The following SEMA5A variants were observed in gnomAD, a reference collection of about 807,000 sequenced individuals.
SEMA5A encodes the protein semaphorin 5A, also known as semaphorin-5A.
Under a neutral mutation model 135.5 loss-of-function variants are expected in SEMA5A, and 55 were observed. The observed-to-expected ratio is 0.41, with a 90% CI of 0.33 to 0.51. The LOEUF is 0.51. SEMA5A is among the 20% of genes least tolerant of loss of function. The pLI is 0.37. For synonymous variants in SEMA5A, 580 were observed against 546.5 expected, an observed-to-expected ratio of 1.06 and a Z score of -0.85; for missense variants, 1,290 against 1,419.9, an observed-to-expected ratio of 0.91 and a Z score of 1.47.
At chr5:9,433,391 A>AT (rs1312599816) in intron 2 of SEMA5A, among the ~76,000 whole-genome samples, 1 of 152,198 alleles carries the variant, frequency 6.6e-6, no homozygotes, top group Non-Finnish European at 1.5e-5. Flanking sequence ...AAATAAACTT[A>AT]TTTAAATTTA....
chr5:9,254,975 C>A (rs191626519), intron 5 of SEMA5A, among the ~76,000 whole-genome samples: 120 of 152,248 alleles, frequency 7.9e-4, no homozygotes, highest in African/African-American at 2.8e-3. Flanking sequence ...AGTATAAGTA[C>A]ACATTTAGGG....
At chr5:9,057,904 T>C (rs1736977864) in intron 18 of SEMA5A, among the ~76,000 whole-genome samples, 1 of 152,230 alleles carries the variant, frequency 6.6e-6, no homozygotes, top group Non-Finnish European at 1.5e-5. Context: ...GGATATTGAT[T>C]ATTGTACTAA....
At chr5:9,468,753 G>C (rs12657858) in intron 1 of SEMA5A, among the ~76,000 whole-genome samples, 1 of 152,192 alleles carries the variant, frequency 6.6e-6, no homozygotes, top group South Asian at 2.1e-4. Flanking sequence ...TTGGGGTTTC[G>C]AATTACTAGT....
At chr5:9,145,641 CTTTT>C (rs36054284) in intron 12 of SEMA5A, among the ~76,000 whole-genome samples, 1 of 117,534 alleles carries the variant, frequency 8.5e-6, no homozygotes, top group African/African-American at 3.1e-5. Context: ...AAGAAGAAAA[CTTTT>C]TTTTTTTTTT....
chr5:9,063,110 C>A lies in SEMA5A; in HGVS notation c.2300-5G>T. On this transcript the variant is annotated splice_polypyrimidine_tract_variant and splice_region_variant and intron_variant, in intron 17 of 22. Transcript: ENST00000382496. Reference sequence around the variant, plus strand: ...GCAGGAAATCCCCAGAAAGCCCTGCCAAGGAAACAGGTGAAGTGTGATTCT... The same window carrying A: ...GCAGGAAATCCCCAGAAAGCCCTGCAAAGGAAACAGGTGAAGTGTGATTCT... The A allele has an allele frequency of 6.2e-7, 1 of 1,607,966 alleles. No homozygotes were observed. Among genetic ancestry groups the A allele is most frequent in the South Asian group, 1.1e-5 (1 of 90,180 alleles).
chr5:9,048,572 C>A (rs191173588), intron 21 of SEMA5A, among the ~76,000 whole-genome samples: 8 of 152,190 alleles, frequency 5.3e-5, no homozygotes, highest in Admixed American at 5.2e-4. Flanking sequence ...TAGAACAACC[C>A]CAGGCCCTGT....
At chr5:9,113,605 A>G (rs544122150) in intron 15 of SEMA5A, among the ~76,000 whole-genome samples, 2 of 152,372 alleles carry the variant, frequency 1.3e-5, no homozygotes, top group South Asian at 4.1e-4. Context: ...TAGTTATTGA[A>G]AAAGACAAAA....
chr5:9,351,299 A>C (rs1033688482), intron 3 of SEMA5A, among the ~76,000 whole-genome samples: 3 of 152,166 alleles, frequency 2.0e-5, no homozygotes, highest in African/African-American at 7.2e-5. Context: ...AATAGCATCA[A>C]ATCTCTTAGG....
intron 1 of SEMA5A, among the ~76,000 whole-genome samples, chr5:9,513,876 G>A (rs1291226622): frequency 6.6e-6 from 1 of 152,076 alleles, no homozygotes; most frequent in Non-Finnish European, 1.5e-5. Flanking sequence ...TAGTGGAGTG[G>A]AACGTTAGTT....
intron 11 of SEMA5A, among the ~76,000 whole-genome samples, chr5:9,167,953 T>C (rs3822771): frequency 0.14 from 21,027 of 152,066 alleles, 1,816 homozygotes; most frequent in Admixed American, 0.23. Flanking sequence ...AAGGTGGAAA[T>C]ATGTCTTTCA....
intron 1 of SEMA5A, among the ~76,000 whole-genome samples, chr5:9,533,199 C>T (rs1283097972): frequency 6.6e-6 from 1 of 152,148 alleles, no homozygotes; most frequent in African/African-American, 2.4e-5. Context: ...GGAAATATTC[C>T]ACCACAGGAT....
At chr5:9,068,182 C>CTTCTG (rs1324780573) in intron 16 of SEMA5A, among the ~76,000 whole-genome samples, 1 of 152,094 alleles carries the variant, frequency 6.6e-6, no homozygotes, top group Non-Finnish European at 1.5e-5. Context: ...TAGATTGTTT[C>CTTCTG]TTCTGTGATC....
At chr5:9,049,948 G>A (rs1736476383) in intron 21 of SEMA5A, among the ~76,000 whole-genome samples, 1 of 152,198 alleles carries the variant, frequency 6.6e-6, no homozygotes, top group Non-Finnish European at 1.5e-5. Flanking sequence ...GTTGGAGATT[G>A]GAAGCTAGCT....
intron 12 of SEMA5A, among the ~76,000 whole-genome samples, chr5:9,149,468 A>C (rs1579484297): frequency 6.6e-6 from 1 of 152,032 alleles, no homozygotes; most frequent in African/African-American, 2.4e-5. Flanking sequence ...ACATGGTGAA[A>C]CCCCGTCTCT....
intron 3 of SEMA5A, among the ~76,000 whole-genome samples, chr5:9,342,960 A>G (rs971566503): frequency 5.3e-5 from 8 of 152,186 alleles, no homozygotes; most frequent in Admixed American, 5.2e-4. Context: ...GCACATTTGG[A>G]AAATTACAGG....
chr5:9,457,889 C>T (rs1411065112), intron 1 of SEMA5A, among the ~76,000 whole-genome samples: 2 of 148,096 alleles, frequency 1.4e-5, no homozygotes, highest in African/African-American at 2.5e-5. Context: ...CTTGAAAAAC[C>T]AGCATCTCTC....
In SEMA5A at chr5:9,287,972, T is replaced by C. The variant is rs534237951; in HGVS notation, c.270+30400A>G. On this transcript the variant is annotated intron_variant, in intron 5 of 22. Transcript: ENST00000382496. ...ATTCTGAATATTCTGAATACCAGAA[T>C]AGTAGATTCTGAATATTGCTGTCTT... is the stretch of plus-strand genomic sequence containing the variant. 2.7e-5 allele frequency among the ~76,000 whole-genome samples: 4 copies of C among 150,234 alleles called. No homozygotes were observed. The East Asian group carries it at 7.7e-4, about 29-fold the overall frequency.
intron 5 of SEMA5A, among the ~76,000 whole-genome samples, chr5:9,279,889 A>C (rs1361664393): frequency 6.6e-6 from 1 of 152,154 alleles, no homozygotes; most frequent in African/African-American, 2.4e-5. Flanking sequence ...TCTTTTCTTC[A>C]TAAATTACCC....
At chr5:9,360,034 C>T (rs1754622768) in intron 3 of SEMA5A, among the ~76,000 whole-genome samples, 1 of 152,106 alleles carries the variant, frequency 6.6e-6, no homozygotes, top group African/African-American at 2.4e-5. Flanking sequence ...TTTTTAAATT[C>T]AAGATAAACA....
Sources: gnomAD v4.1 joint callset for allele counts (sites outside exome capture counted in the v4.1 genomes callset) on GRCh38, gnomAD v4.1.1 for gene constraint, MANE v1.5 for transcripts, NCBI Gene and HGNC (gene_info 2026-07-23, HGNC 2026-07-21) for gene names.